The following CDH18 variants were observed in gnomAD, a reference collection of about 807,000 sequenced individuals.
CDH18 encodes cadherin 18.
In CDH18, 31 loss-of-function variants were observed where a neutral mutation model predicts 67.9. That is an observed-to-expected ratio of 0.46 (90% confidence interval 0.34 to 0.62). The LOEUF (loss-of-function observed/expected upper bound fraction) is 0.62, where lower values mean the gene tolerates loss of function less well. Among genes scored for constraint, CDH18 ranks in the 20% least tolerant of loss-of-function variants. The probability of loss-of-function intolerance (pLI) is 0.01; values close to 1 mark genes in which losing one functional copy is unlikely to be tolerated. For synonymous variants in CDH18, 362 were observed against 347.2 expected (o/e 1.04, Z -0.48); for missense variants, 890 against 975.5 (o/e 0.91, Z 1.17).
At chr5:19,611,932 C>T (rs922489605) in intron 6 of CDH18, among the ~76,000 whole-genome samples, 1 of 139,224 alleles carries the variant, frequency 7.2e-6, no homozygotes, top group Non-Finnish European at 1.5e-5. Context: ...TTAACTTCAA[C>T]TTGCTTTTGG....
chr5:20,275,582 C>A (rs1745747569), intron 1 of CDH18, among the ~76,000 whole-genome samples: 2 of 152,092 alleles, frequency 1.3e-5, no homozygotes, highest in South Asian at 4.1e-4. Context: ...GAATAATAAT[C>A]AATTATTTTT....
intron 1 of CDH18, among the ~76,000 whole-genome samples, chr5:20,267,703 C>T (rs1745143825): frequency 6.6e-6 from 1 of 152,150 alleles, no homozygotes; most frequent in South Asian, 2.1e-4. Context: ...TCTCATATAT[C>T]ATCATTGGTG....
At chr5:20,334,068 T>A (rs559020365) in intron 1 of CDH18, among the ~76,000 whole-genome samples, 2 of 151,404 alleles carry the variant, frequency 1.3e-5, no homozygotes, top group Non-Finnish European at 2.9e-5. Flanking sequence ...TCTCTGAACA[T>A]CTTTGATATG....
At chr5:19,568,250 A>G (rs1273139907) in intron 8 of CDH18, among the ~76,000 whole-genome samples, 1 of 152,064 alleles carries the variant, frequency 6.6e-6, no homozygotes, top group African/African-American at 2.4e-5. Context: ...CCCCTCCCCC[A>G]AATTCGTATA....
At chr5:19,921,118 G>GA (rs1461263438) in intron 2 of CDH18, among the ~76,000 whole-genome samples, 1 of 151,984 alleles carries the variant, frequency 6.6e-6, no homozygotes, top group African/African-American at 2.4e-5. Flanking sequence ...TGCACTTGAG[G>GA]AAACAATAGA....
intron 7 of CDH18, among the ~76,000 whole-genome samples, chr5:19,590,039 C>T (rs147298527): frequency 2.0e-5 from 3 of 152,180 alleles, no homozygotes; most frequent in East Asian, 3.9e-4. Context: ...TGTCTGTCCA[C>T]GTCCATAGAT....
At chr5:19,939,308 T>C (rs1794596946) in intron 2 of CDH18, among the ~76,000 whole-genome samples, 1 of 151,680 alleles carries the variant, frequency 6.6e-6, no homozygotes, top group Non-Finnish European at 1.5e-5. Flanking sequence ...TGAAGGTTAA[T>C]GGCATAATTT....
At chr5:20,288,115 A>T (rs1020786657) in intron 1 of CDH18, among the ~76,000 whole-genome samples, 2 of 151,638 alleles carry the variant, frequency 1.3e-5, no homozygotes, top group Non-Finnish European at 3.0e-5. Flanking sequence ...CATGCAACCT[A>T]CATAGAAAAT....
chr5:19,903,428 C>T (rs560577719), intron 2 of CDH18, among the ~76,000 whole-genome samples: 201 of 151,326 alleles, frequency 1.3e-3, no homozygotes, highest in African/African-American at 4.6e-3. Flanking sequence ...TCTGTTACCT[C>T]TGAGCTTCTA....
rs138704007 is a variant in CDH18, at chr5:19,588,944, T to C, written c.999+2113A>G. Among the ~76,000 whole-genome samples the C allele has an allele frequency of 7.8e-4, 119 of 152,088 alleles. 2 individuals carry two copies. In the East Asian group the frequency reaches 0.02, roughly 26 times the overall value. On this transcript the variant is annotated intron_variant, in intron 7 of 12. Transcript: ENST00000382275. Reference sequence around the variant, plus strand: ...AGAGACTTAGACTCCCACACAATAATAGTGGGAGACTTTAAAACCTCACTG... The same window carrying C: ...AGAGACTTAGACTCCCACACAATAACAGTGGGAGACTTTAAAACCTCACTG...
intron 5 of CDH18, among the ~76,000 whole-genome samples, chr5:19,712,919 G>C (rs1017290234): frequency 6.6e-6 from 1 of 151,576 alleles, no homozygotes; most frequent in African/African-American, 2.4e-5. Flanking sequence ...TAAATTTAAA[G>C]TAATGAAAGA....
rs558005072 is a variant in CDH18 at position 19,837,980 on chromosome 5, C to T, written c.228+779G>A. On this transcript the variant is annotated intron_variant, in intron 3 of 12. Transcript: ENST00000382275. ...TCTCAATCCTAGAGCCTAGATGACA[C>T]ATGCTTAAACTCTCCCATGTTACTG... is the stretch of plus-strand genomic sequence containing the variant. Among the ~76,000 whole-genome samples the T allele has an allele frequency of 1.1e-4, 17 of 152,286 alleles. No individual in the cohort carries two copies. The South Asian group carries it at 1.9e-3, about 17-fold the overall frequency.
chr5:19,717,310 GCAAT>G (rs1417018283), intron 5 of CDH18, among the ~76,000 whole-genome samples: 1 of 152,062 alleles, frequency 6.6e-6, no homozygotes, highest in Non-Finnish European at 1.5e-5. Flanking sequence ...CTATGAAACA[GCAAT>G]CAGAGAATCA....
In CDH18 at chr5:19,591,218, A is replaced by G. The variant is rs1413410479; in HGVS notation, c.838T>C (p.Ser280Pro). The G allele has an allele frequency of 6.2e-7, 1 of 1,610,694 alleles. No homozygotes were observed. Among genetic ancestry groups the G allele is most frequent in the Non-Finnish European group, 8.5e-7 (1 of 1,178,282 alleles). Residue 280 changes from serine to proline, a missense_variant, in exon 7 of 13, where the codon TCA becomes CCA. By Grantham distance (74) the Ser-to-Pro change is moderately conservative. Coordinates refer to ENST00000382275, the MANE Select transcript of CDH18 (RefSeq NM_004934.5). Reference sequence around the variant, plus strand: ...CCAACAGCTGAACCAACTTGAGCTGACTCAGGAACATATAGCTGATAGTGT... The same window carrying G: ...CCAACAGCTGAACCAACTTGAGCTGGCTCAGGAACATATAGCTGATAGTGT... ...QKHYQLYVPESAQVGSAVGKI... is the reference protein window; with the variant it reads ...QKHYQLYVPEPAQVGSAVGKI...
chr5:19,976,272 G>C (rs1038134726), intron 2 of CDH18, among the ~76,000 whole-genome samples: 1 of 152,008 alleles, frequency 6.6e-6, no homozygotes, highest in Non-Finnish European at 1.5e-5. Context: ...GGAAAATAAA[G>C]GTCTTTAGAT....
At chr5:20,049,270 T>C (rs1384195139) in intron 2 of CDH18, among the ~76,000 whole-genome samples, 2 of 151,088 alleles carry the variant, frequency 1.3e-5, no homozygotes, top group African/African-American at 4.9e-5. Context: ...TAGGATTCTC[T>C]AAGAACAGTA....
At chr5:20,557,769 A>C (rs532784192) in intron 1 of CDH18, among the ~76,000 whole-genome samples, 1 of 152,208 alleles carries the variant, frequency 6.6e-6, no homozygotes, top group African/African-American at 2.4e-5. Context: ...ACTAAGGAAT[A>C]GAAATTACAA....
intron 1 of CDH18, among the ~76,000 whole-genome samples, chr5:20,267,229 G>A (rs1206333615): frequency 6.6e-6 from 1 of 152,156 alleles, no homozygotes; most frequent in Non-Finnish European, 1.5e-5. Flanking sequence ...CTTTGTCAAA[G>A]GTCACTTAAC....
chr5:20,525,968 G>C (rs915430577), intron 1 of CDH18, among the ~76,000 whole-genome samples: 3 of 152,120 alleles, frequency 2.0e-5, no homozygotes, highest in African/African-American at 7.2e-5. Context: ...TTGACAATGA[G>C]AGTAGCAAAA....
Sources: gnomAD v4.1 joint callset for allele counts (sites outside exome capture counted in the v4.1 genomes callset) on GRCh38, gnomAD v4.1.1 for gene constraint, MANE v1.5 for transcripts, NCBI Gene and HGNC (gene_info 2026-07-23, HGNC 2026-07-21) for gene names.